BPIFC: variants seen among roughly 807,000 people sequenced by gnomAD.
BPIFC encodes BPI fold containing family C.
Under a neutral mutation model 57.6 loss-of-function variants are expected in BPIFC, and 60 were observed. That is an observed-to-expected ratio of 1.04 (90% confidence interval 0.85 to 1.29). The LOEUF is 1.29. BPIFC is among the 50% of genes most tolerant of loss of function. The probability of loss-of-function intolerance (pLI) is 0.00; values close to 1 mark genes in which losing one functional copy is unlikely to be tolerated. For missense variants in BPIFC, 581 were observed against 600.5 expected, an observed-to-expected ratio of 0.97 and a Z score of 0.34; for synonymous variants, 243 against 224.5, an observed-to-expected ratio of 1.08 and a Z score of -0.74.
At chr22:32,420,275 G>A (rs1016977235) in intron 13 of BPIFC, among the ~76,000 whole-genome samples, 5 of 148,624 alleles carry the variant, frequency 3.4e-5, no homozygotes, top group Non-Finnish European at 7.4e-5. Context: ...CAGAGATCGC[G>A]CCACTGCACT....
At chr22:32,447,607 CTTTT>C (rs11375413) in intron 4 of BPIFC, among the ~76,000 whole-genome samples, 5 of 132,814 alleles carry the variant, frequency 3.8e-5, no homozygotes, top group Non-Finnish European at 3.2e-5. Flanking sequence ...CTCTCGCTCT[CTTTT>C]TTTTTTTTTT....
chr22:32,442,862 T>C, intron 7 of BPIFC, 131 bp from the exon 8 acceptor site: 1 of 847,536 alleles, frequency 1.2e-6, no homozygotes, highest in Admixed American at 2.5e-5. Flanking sequence ...ATCGAGACAT[T>C]CTCTTAAATT....
At chr22:32,426,790 G>A (rs1207536083) in intron 13 of BPIFC, among the ~76,000 whole-genome samples, 4 of 151,930 alleles carry the variant, frequency 2.6e-5, no homozygotes, top group African/African-American at 9.7e-5. Context: ...TACCCAGGAG[G>A]CTGAGGCAGG....
chr22:32,444,861 T>A (rs796582942), intron 7 of BPIFC, among the ~76,000 whole-genome samples: 10 of 152,304 alleles, frequency 6.6e-5, no homozygotes, highest in African/African-American at 2.4e-4. Flanking sequence ...TCCTGCTCAA[T>A]CTAATGATCG....
chr22:32,428,551 A>G (rs979695820), intron 13 of BPIFC, among the ~76,000 whole-genome samples: 1 of 152,186 alleles, frequency 6.6e-6, no homozygotes, highest in Admixed American at 6.5e-5. Flanking sequence ...AAACCTTCGT[A>G]AAACCTTTTC....
chr22:32,446,293 ATGTT>A (rs1934727527), intron 5 of BPIFC, among the ~76,000 whole-genome samples: 1 of 152,182 alleles, frequency 6.6e-6, no homozygotes, highest in Non-Finnish European at 1.5e-5. Context: ...TTCATATACA[ATGTT>A]TGTTTGGGGA....
intron 8 of BPIFC, among the ~76,000 whole-genome samples, chr22:32,439,324 T>TA (rs113366027): frequency 5.6e-4 from 81 of 145,826 alleles, no homozygotes; most frequent in Admixed American, 9.7e-4. Context: ...AAACTCCGTC[T>TA]AAAAAAAAAA....
chr22:32,433,431 C>A (rs1405757498), intron 11 of BPIFC, among the ~76,000 whole-genome samples: 4 of 150,836 alleles, frequency 2.7e-5, no homozygotes, highest in Non-Finnish European at 5.9e-5. Context: ...TCCTTCATTT[C>A]CACTAATAAA....
At chr22:32,424,636 CT>C (rs1334905061) in intron 13 of BPIFC, among the ~76,000 whole-genome samples, 13 of 59,214 alleles carry the variant, frequency 2.2e-4, no homozygotes, top group African/African-American at 1.3e-3. Context: ...TCCTCTTCTT[CT>C]TCTTCTCTTC....
intron 2 of BPIFC, among the ~76,000 whole-genome samples, chr22:32,457,735 T>C (rs1017977163): frequency 6.6e-6 from 1 of 152,180 alleles, no homozygotes; most frequent in Non-Finnish European, 1.5e-5. Context: ...TAGTAGTGAA[T>C]ATGCATCCTT....
At position 32,415,917 on chromosome 22, in the gene BPIFC, C is replaced by T. The variant is rs201615090; in HGVS notation, c.1399G>A (p.Glu467Lys). 551 of 1,578,944 alleles carry T rather than the reference C, an allele frequency of 3.5e-4. No individual in the cohort carries two copies. The highest frequency in any genetic ancestry group is 1.7e-4 in the Non-Finnish European group (199 of 1,161,870). Residue 467 changes from glutamate to lysine, a missense_variant and splice_region_variant, in exon 16 of 17, where the codon GAG becomes AAG. Physicochemically the swap from Glu to Lys is moderately conservative, Grantham distance 56. Coordinates refer to ENST00000300399, the MANE Select transcript of BPIFC (RefSeq NM_174932.3). ...LFVNSDIEVL[E>K]GFLLISTDLK... ...AGAGGTGAGATTTGCATTCTTACCT[C>T]AAGAACTTCAATATCTGAATTGACG...
At chr22:32,459,362 C>T (rs1935110512) in intron 2 of BPIFC, among the ~76,000 whole-genome samples, 1 of 152,012 alleles carries the variant, frequency 6.6e-6, no homozygotes, top group South Asian at 2.1e-4. Flanking sequence ...GACCCCATCT[C>T]TACAAAAAAT....
At chr22:32,438,386 TG>T (rs1200656969) in intron 8 of BPIFC, among the ~76,000 whole-genome samples, 1 of 152,190 alleles carries the variant, frequency 6.6e-6, no homozygotes, top group Non-Finnish European at 1.5e-5. Context: ...TGTATAGTTT[TG>T]TTTTTTGTTT....
intron 6 of BPIFC, 45 bp from the exon 7 acceptor site, chr22:32,445,743 C>T: frequency 9.5e-7 from 1 of 1,053,268 alleles, no homozygotes; most frequent in South Asian, 1.5e-5. Flanking sequence ...AAAGAGGTTA[C>T]TCAGAGACCA....
intron 4 of BPIFC, among the ~76,000 whole-genome samples, chr22:32,451,632 CACATGTAT>C (rs1934897253): frequency 6.6e-6 from 1 of 151,984 alleles, no homozygotes; most frequent in South Asian, 2.1e-4. Flanking sequence ...ACCAACATGG[CACATGTAT>C]ACATATGTAA....
chr22:32,460,336 A>T (rs1935135712), intron 2 of BPIFC, among the ~76,000 whole-genome samples: 1 of 152,206 alleles, frequency 6.6e-6, no homozygotes, highest in Non-Finnish European at 1.5e-5. Context: ...CTATGTATCC[A>T]TTGGGCTGGA....
At position 32,414,372 on chromosome 22, in the gene BPIFC, C is replaced by T; in HGVS notation, c.1455G>A (p.Gln485=). The T allele has an allele frequency of 6.2e-7, 1 of 1,614,072 alleles. No individual in the cohort carries two copies. Among genetic ancestry groups the T allele is most frequent in the Non-Finnish European group, 8.5e-7 (1 of 1,179,944 alleles). ...GACCTTCCCATACGTGGAAACTTGG[C>T]TGCTGCTTTGAGGATGTTTCATACT... ...DLKYETSSKQ[Q]PSFHVWEGLN... The change falls in exon 17 of 17, where the codon CAG becomes CAA. Residue 485 remains glutamine (Q), a synonymous_variant. Coordinates refer to ENST00000300399, the MANE Select transcript of BPIFC (RefSeq NM_174932.3).
intron 4 of BPIFC, among the ~76,000 whole-genome samples, chr22:32,449,936 G>T (rs1024101756): frequency 6.6e-6 from 1 of 151,774 alleles, no homozygotes; most frequent in East Asian, 1.9e-4. Flanking sequence ...GGGTTTCACC[G>T]TGTTAGCCAG....
Position 32,417,061 on chromosome 22 carries a change from C to T in BPIFC, c.1324+24G>A, listed in dbSNP as rs368778265. The T allele has an allele frequency of 3.8e-5, 59 of 1,554,568 alleles. No homozygotes were observed. In the South Asian group the frequency reaches 5.8e-4, roughly 15 times the overall value. On this transcript the variant is annotated intron_variant, in intron 15 of 16. Coordinates refer to ENST00000300399, the MANE Select transcript of BPIFC (RefSeq NM_174932.3). ...TAAATGTTAGCCGATGTTACAGTCA[C>T]ATTGTTTTCCAATAATCCCTTACCA...
Sources: gnomAD v4.1 joint callset for allele counts (sites outside exome capture counted in the v4.1 genomes callset) on GRCh38, gnomAD v4.1.1 for gene constraint, MANE v1.5 for transcripts, NCBI Gene and HGNC (gene_info 2026-07-23, HGNC 2026-07-21) for gene names.